KMO: variants seen among roughly 807,000 people sequenced by gnomAD.
KMO encodes the protein kynurenine 3-monooxygenase.
KMO carries 24 observed loss-of-function variants against 57.8 expected under a neutral mutation model. The ratio of observed to expected loss-of-function variants is 0.42; its 90% CI spans 0.30 to 0.58. The LOEUF (loss-of-function observed/expected upper bound fraction) is 0.58, where lower values mean the gene tolerates loss of function less well. KMO is among the 20% of genes least tolerant of loss of function. KMO has a pLI of 0.22. For synonymous variants in KMO, 210 were observed against 193.6 expected (o/e 1.08, Z -0.70); for missense variants, 483 against 588.2 (o/e 0.82, Z 1.85).
rs957453925 is a variant in KMO, at chr1:241,593,285, G to A, written c.*1132G>A. 2.4e-5 allele frequency: 9 copies of A among 381,326 alleles called. No homozygotes were observed. The highest frequency in any genetic ancestry group is 1.3e-4 in the Admixed American group (5 of 39,576). 23.6% of individuals were successfully genotyped at this position (381,326 alleles called of 1,614,324 possible). ...CTAATTTATTCTTCGACTACATACT[G>A]CAGCAGAACCAGCAATACACTTGAT... On this transcript the variant is annotated 3_prime_UTR_variant, in exon 15 of 15. Transcript: ENST00000366559.
intron 8 of KMO, 98 bp from the exon 9 acceptor site, chr1:241,566,393 C>T: frequency 3.7e-6 from 3 of 816,894 alleles, no homozygotes; most frequent in Non-Finnish European, 5.2e-6. Flanking sequence ...CCAAAAGCTC[C>T]CTGGTCACAG....
At position 241,593,304 on chromosome 1, in the gene KMO, A is replaced by G. The variant is rs537150629; in HGVS notation, c.*1151A>G. ...CATACTGCAGCAGAACCAGCAATAC[A>G]CTTGATTTTTAAAAGCACATTTAGT... On this transcript the variant is annotated 3_prime_UTR_variant, in exon 15 of 15. Transcript: ENST00000366559. 2.5e-6 allele frequency: 1 copy of G among 402,970 alleles called. No individual in the cohort carries two copies. The highest frequency in any genetic ancestry group is 7.4e-5 in the East Asian group (1 of 13,582). The allele number at this position is 402,970 out of a possible 1,614,324, so 25.0% of individuals were successfully genotyped here. A position where few individuals can be genotyped will look rare whatever the true frequency, so the allele number is the denominator to read the frequency against.
At chr1:241,566,416 T>A in intron 8 of KMO, 75 bp from the exon 9 acceptor site, 1 of 1,498,758 alleles carries the variant, frequency 6.7e-7, no homozygotes, top group South Asian at 1.3e-5. Flanking sequence ...AGAAGTCTTG[T>A]GATTTCAGGA....
intron 6 of KMO, 152 bp from the exon 7 acceptor site, chr1:241,562,015 G>A (rs764072058): frequency 6.5e-5 from 41 of 626,384 alleles, no homozygotes; most frequent in Non-Finnish European, 1.1e-4. Flanking sequence ...TCATCTAAAT[G>A]TTACATCTAT....
chr1:241,569,101 G>A (rs1442811883), intron 10 of KMO, among the ~76,000 whole-genome samples: 1 of 151,844 alleles, frequency 6.6e-6, no homozygotes, highest in African/African-American at 2.4e-5. Flanking sequence ...GGAATACAAT[G>A]TATATGACCA....
chr1:241,575,105 A>T (rs2147973269), intron 10 of KMO, among the ~76,000 whole-genome samples: 1 of 152,028 alleles, frequency 6.6e-6, no homozygotes, highest in Admixed American at 6.5e-5. Context: ...TGTGGTGTCC[A>T]TTGTAATGTC....
At position 241,562,175 on chromosome 1, in the gene KMO, A is replaced by G. The variant is rs567982166; in HGVS notation, c.458A>G (p.Lys153Arg). 1.3e-5 allele frequency: 21 copies of G among 1,613,772 alleles called. No individual in the cohort carries two copies. In the South Asian group the frequency reaches 2.2e-4, roughly 17 times the overall value. ...EGMITVLGSD[K>R]VPKDVTCDLI... ...TTTGTTCTATTTTTCAGATCTGACA[A>G]AGTTCCCAAAGATGTCACTTGTGAC... The change falls in exon 7 of 15, where the codon AAA becomes AGA. Residue 153 changes from lysine (K) to arginine (R), a missense_variant. This residue lies in a region of KMO where 410 missense variants were observed against 492.3 expected (regional missense o/e 0.83). Coordinates refer to ENST00000366559, the MANE Select transcript of KMO (RefSeq NM_003679.5).
chr1:241,534,279 CT>C (rs1660679246), intron 1 of KMO, among the ~76,000 whole-genome samples: 4 of 152,134 alleles, frequency 2.6e-5, no homozygotes, highest in Admixed American at 2.6e-4. Flanking sequence ...GCAGTGATGT[CT>C]CATTTTAAAA....
chr1:241,556,499 A>T (rs1221063809), intron 5 of KMO, among the ~76,000 whole-genome samples: 2 of 152,174 alleles, frequency 1.3e-5, no homozygotes, highest in Non-Finnish European at 2.9e-5. Context: ...CTAGGCACTG[A>T]GTGAATGAGT....
chr1:241,554,628 G>A (rs572633570), intron 4 of KMO, among the ~76,000 whole-genome samples: 51 of 149,526 alleles, frequency 3.4e-4, no homozygotes, highest in Non-Finnish European at 6.2e-4. Flanking sequence ...TTTACAATAC[G>A]TTTAAGAGTC....
intron 10 of KMO, among the ~76,000 whole-genome samples, chr1:241,572,451 T>C (rs944153985): frequency 6.6e-6 from 1 of 152,072 alleles, no homozygotes; most frequent in African/African-American, 2.4e-5. Context: ...TTTATTTATT[T>C]GAGTCTTCTC....
Position 241,562,231 on chromosome 1 carries a change from A to T in KMO, c.514A>T (p.Thr172Ser). Residue 172 changes from threonine (T) to serine (S), a missense_variant, in exon 7 of 15, where the codon ACT (threonine) becomes TCT (serine). Thr to Ser is a moderately conservative substitution (Grantham distance 58, BLOSUM62 1). This residue lies in a region of KMO where 410 missense variants were observed against 492.3 expected (regional missense o/e 0.83). Coordinates refer to ENST00000366559, the MANE Select transcript of KMO (RefSeq NM_003679.5). Reference protein sequence around the residue: ...LIVGCDGAYSTVRSHLMKKPR... With the variant: ...LIVGCDGAYSSVRSHLMKKPR... ...TGTAGGATGTGATGGAGCCTATTCA[A>T]CTGTCAGATCTCACCTGATGAAGAA... is the stretch of plus-strand genomic sequence containing the variant. The T allele has an allele frequency of 6.2e-7, 1 of 1,614,154 alleles. No individual in the cohort carries two copies. Among genetic ancestry groups the T allele is most frequent in the Non-Finnish European group, 8.5e-7 (1 of 1,179,976 alleles).
chr1:241,568,155 AT>A (rs757935444), intron 9 of KMO, among the ~76,000 whole-genome samples: 7 of 152,128 alleles, frequency 4.6e-5, no homozygotes, highest in Non-Finnish European at 7.4e-5. Context: ...CATTTGCTCA[AT>A]TTTTTATGGA....
chr1:241,592,705 T>C lies in KMO; in HGVS notation c.*552T>C, dbSNP rs1208106430. Reference sequence around the variant, plus strand: ...TTCCCACCTTCAAATATAAGTATTATCATCTATCTGTTTATCGTCTATCTA... The same window carrying C: ...TTCCCACCTTCAAATATAAGTATTACCATCTATCTGTTTATCGTCTATCTA... On this transcript the variant is annotated 3_prime_UTR_variant, in exon 15 of 15. Transcript: ENST00000366559. The C allele has an allele frequency of 6.4e-6, 1 of 155,398 alleles. No homozygotes were observed. Among genetic ancestry groups the C allele is most frequent in the Non-Finnish European group, 1.4e-5 (1 of 70,362 alleles). 9.6% of individuals were successfully genotyped at this position (155,398 alleles called of 1,614,324 possible).
At chr1:241,549,492 A>G (rs1021017662) in intron 2 of KMO, among the ~76,000 whole-genome samples, 185 bp from the exon 3 acceptor site, 19 of 152,350 alleles carry the variant, frequency 1.2e-4, no homozygotes, top group Non-Finnish European at 2.6e-4. Flanking sequence ...TTTGTTTAAA[A>G]AAAAACACCA....
chr1:241,581,101 G>A (rs1258031157), intron 10 of KMO, among the ~76,000 whole-genome samples: 4 of 152,024 alleles, frequency 2.6e-5, no homozygotes, highest in Admixed American at 2.0e-4. Context: ...TGTCTTTAGA[G>A]TTTTTGTCTT....
At position 241,548,874 on chromosome 1, in the gene KMO, A is replaced by G; in HGVS notation, c.100A>G (p.Ile34Val). The part of the protein sequence containing the change: ...ACFLAKRNFQ[I>V]DVYEAREDTR... ...CTTTCTTGCAAAGAGGAATTTCCAG[A>G]TTGATGTATATGAAGCTAGGGAAGG... The change falls in exon 2 of 15, where the codon ATT becomes GTT. Residue 34 changes from isoleucine (I) to valine (V), a missense_variant. By Grantham distance (29) the Ile-to-Val change is conservative. Transcript: ENST00000366559. 6.2e-7 allele frequency: 1 copy of G among 1,607,194 alleles called. No individual in the cohort carries two copies. Among genetic ancestry groups the G allele is most frequent in the Non-Finnish European group, 8.5e-7 (1 of 1,174,224 alleles).
chr1:241,543,734 C>T (rs1004375901), intron 1 of KMO, among the ~76,000 whole-genome samples: 27 of 152,160 alleles, frequency 1.8e-4, no homozygotes, highest in African/African-American at 6.0e-4. Context: ...CTCATCTTCT[C>T]TAGCACTTAA....
chr1:241,550,001 G>A, intron 3 of KMO: 1 of 481,684 alleles, frequency 2.1e-6, no homozygotes, highest in Non-Finnish European at 3.7e-6. Context: ...CTGATATTGG[G>A]TTCTCAACAG....
Sources: allele counts gnomAD v4.1 joint callset (sites outside exome capture counted in the v4.1 genomes callset), GRCh38; gene constraint gnomAD v4.1.1; regional missense constraint gnomAD v4.1.1; transcripts MANE v1.5; gene names NCBI Gene and HGNC (gene_info 2026-07-23, HGNC 2026-07-21).